The following DNAH12 variants were observed in gnomAD, a reference collection of about 807,000 sequenced individuals.
DNAH12 encodes the protein dynein axonemal heavy chain 12.
DNAH12 carries 285 observed loss-of-function variants against 371.5 expected under a neutral mutation model. The ratio of observed to expected loss-of-function variants is 0.77; its 90% CI spans 0.70 to 0.85. The LOEUF (loss-of-function observed/expected upper bound fraction) is 0.85, where lower values mean the gene tolerates loss of function less well. Ranked by LOEUF, DNAH12 falls within the 40% of genes least tolerant of loss-of-function variation. DNAH12 has a pLI of 0.00. For missense variants in DNAH12, 3,611 were observed against 3,689.4 expected (o/e 0.98, Z 0.55); for synonymous variants, 1,200 against 1,213.0 (o/e 0.99, Z 0.22).
Position 57,443,777 on chromosome 3 carries a change from G to A in DNAH12, c.4545+920C>T, listed in dbSNP as rs568101220. Among the ~76,000 whole-genome samples the A allele has an allele frequency of 2.0e-5, 3 of 151,852 alleles. No individual in the cohort carries two copies. The South Asian group carries it at 6.2e-4, about 32-fold the overall frequency. ...AGCCTTATTATGTTACCTATAGGATGTTTTACTACTTTCATTTCTATCTAA... is the reference window on the plus strand; with the variant it reads ...AGCCTTATTATGTTACCTATAGGATATTTTACTACTTTCATTTCTATCTAA... On this transcript the variant is annotated intron_variant, in intron 29 of 73. Coordinates refer to ENST00000495027, the MANE Select transcript of DNAH12 (RefSeq NM_001366028.2).
intron 60 of DNAH12, among the ~76,000 whole-genome samples, chr3:57,342,810 T>C (rs541133722): frequency 6.6e-6 from 1 of 152,158 alleles, no homozygotes; most frequent in African/African-American, 2.4e-5. Flanking sequence ...TGATGGTTCA[T>C]GCATGTAATC....
chr3:57,466,408 T>C (rs1305419089), intron 17 of DNAH12, among the ~76,000 whole-genome samples: 2 of 152,130 alleles, frequency 1.3e-5, no homozygotes, highest in Non-Finnish European at 2.9e-5. Context: ...ACATTGAAAA[T>C]AATTTTTAAG....
chr3:57,524,292 A>G lies in DNAH12; in HGVS notation c.171-408T>C, dbSNP rs1230265633. 4.6e-5 allele frequency among the ~76,000 whole-genome samples: 7 copies of G among 152,248 alleles called. No homozygotes were observed. In the East Asian group the frequency reaches 1.2e-3, roughly 25 times the overall value. ...TCACTTATCTTGCTTCAAAGCACTT[A>G]CCATCGTTTGATATAGAATATTTTG... is the stretch of plus-strand genomic sequence containing the variant. On this transcript the variant is annotated intron_variant, in intron 2 of 73. Transcript: ENST00000495027.
the DNAH12 span, among the ~76,000 whole-genome samples, chr3:57,552,229 A>G: frequency 2.1e-5 from 3 of 144,156 alleles, no homozygotes; most frequent in Non-Finnish European, 3.0e-5. Flanking sequence ...TGGGCGACAG[A>G]GCAAGACTCC....
intron 40 of DNAH12, among the ~76,000 whole-genome samples, chr3:57,407,243 A>G (rs1223597082): frequency 3.6e-5 from 5 of 138,530 alleles, no homozygotes; most frequent in African/African-American, 5.5e-5. Context: ...CCCTGCTCCA[A>G]CCTCCACACA....
chr3:57,308,484 T>C (rs1286806833), intron 69 of DNAH12, among the ~76,000 whole-genome samples: 1 of 152,224 alleles, frequency 6.6e-6, no homozygotes, highest in African/African-American at 2.4e-5. Context: ...TAAGCTCCTG[T>C]ATAGACACTC....
chr3:57,511,047 C>T, intron 4 of DNAH12, 68 bp from the exon 5 acceptor site: 1 of 1,168,722 alleles, frequency 8.6e-7, no homozygotes, highest in African/African-American at 1.6e-5. Context: ...CCTGAACTCT[C>T]CCTTCCTAAG....
chr3:57,480,265 G>C (rs201514414), intron 13 of DNAH12, among the ~76,000 whole-genome samples: 1 of 151,960 alleles, frequency 6.6e-6, no homozygotes, highest in Non-Finnish European at 1.5e-5. Context: ...CAGAAATACA[G>C]ACTACCATCA....
intron 25 of DNAH12, among the ~76,000 whole-genome samples, chr3:57,451,472 C>T (rs115483372): frequency 0.026 from 3,967 of 152,136 alleles, 70 homozygotes; most frequent in Non-Finnish European, 0.034. Context: ...CCCATCTCTA[C>T]TAAAAAAATA....
chr3:57,527,468 G>C, intron 2 of DNAH12, among the ~76,000 whole-genome samples: 1 of 152,314 alleles, frequency 6.6e-6, no homozygotes, highest in East Asian at 1.9e-4. Flanking sequence ...TGTTGGGGAG[G>C]CCTCAGGAAG....
At position 57,323,576 on chromosome 3, in the gene DNAH12, T is replaced by C. The variant is rs1436063628; in HGVS notation, c.10022A>G (p.Lys3341Arg). 13 of 1,550,416 alleles carry C rather than the reference T, an allele frequency of 8.4e-6. No individual in the cohort carries two copies. Among genetic ancestry groups the C allele is most frequent in the Non-Finnish European group, 1.1e-5 (13 of 1,146,646 alleles). ...AAATGGTGGAGGCTCTACAAACTTT[T>C]TCCCTAGTTTGTCAGTTACATAGTT... ...ITNYVTDKLG[K>R]KFVEPPPFDL... Residue 3341 changes from lysine to arginine, a missense_variant, in exon 63 of 74, where the codon AAA (lysine) becomes AGA (arginine). Lys to Arg is a conservative substitution (Grantham distance 26). Coordinates refer to ENST00000495027, the MANE Select transcript of DNAH12 (RefSeq NM_001366028.2).
In DNAH12 at chr3:57,504,049, C is replaced by T; in HGVS notation, c.1053G>A (p.Leu351=). Residue 351 remains leucine, a synonymous_variant, in exon 9 of 74, where the codon TTG becomes TTA. Transcript: ENST00000495027. ...PTFQDLEDNV[L]SLVERIAEAL... ...CTTCGGCTATTCGTTCCACCAAACT[C>T]AAGACATTATCTTCCAAATCTTGAA... The T allele has an allele frequency of 6.2e-7, 1 of 1,613,666 alleles. No individual in the cohort carries two copies. The highest frequency in any genetic ancestry group is 8.5e-7 in the Non-Finnish European group (1 of 1,179,746).
At chr3:57,367,365 AG>A (rs2063073759) in intron 56 of DNAH12, among the ~76,000 whole-genome samples, 1 of 152,122 alleles carries the variant, frequency 6.6e-6, no homozygotes, top group Non-Finnish European at 1.5e-5. Flanking sequence ...GAGTGGCAAA[AG>A]TCACAGACAC....
chr3:57,416,739 T>A (rs1376821557), intron 37 of DNAH12, among the ~76,000 whole-genome samples: 6 of 151,986 alleles, frequency 3.9e-5, no homozygotes, highest in Non-Finnish European at 7.4e-5. Context: ...AAACTGAAAA[T>A]ATTTGTCCAA....
the DNAH12 span, among the ~76,000 whole-genome samples, chr3:57,550,505 TAC>T: frequency 6.6e-6 from 1 of 152,084 alleles, no homozygotes; most frequent in African/African-American, 2.4e-5. Context: ...CATTTTTCCA[TAC>T]ATTTATTTTT....
chr3:57,409,600 C>T (rs1411426060), intron 39 of DNAH12, among the ~76,000 whole-genome samples: 1 of 151,956 alleles, frequency 6.6e-6, no homozygotes, highest in South Asian at 2.1e-4. Context: ...ATCACTAACT[C>T]AGGAGAGTGA....
At chr3:57,301,708 AC>A in intron 70 of DNAH12, 26 bp downstream of exon 70, 2 of 1,529,538 alleles carry the variant, frequency 1.3e-6, no homozygotes, top group Non-Finnish European at 1.8e-6. Context: ...ACACACACAC[AC>A]ACACACACAC....
At chr3:57,506,693 G>C (rs1165912745) in intron 8 of DNAH12, among the ~76,000 whole-genome samples, 1 of 152,014 alleles carries the variant, frequency 6.6e-6, no homozygotes, top group Non-Finnish European at 1.5e-5. Context: ...CCACCTGCCT[G>C]GGCCTCCCAA....
At chr3:57,473,118 C>G (rs2066414303) in intron 13 of DNAH12, among the ~76,000 whole-genome samples, 1 of 152,082 alleles carries the variant, frequency 6.6e-6, no homozygotes, top group African/African-American at 2.4e-5. Flanking sequence ...GACATCACCA[C>G]CTTTTTGGCC....
Sources: gnomAD v4.1 joint callset for allele counts (sites outside exome capture counted in the v4.1 genomes callset) on GRCh38, gnomAD v4.1.1 for gene constraint, MANE v1.5 for transcripts, NCBI Gene and HGNC (gene_info 2026-07-23, HGNC 2026-07-21) for gene names.